Variants in KIAA0513 observed in about 807,000 individuals in gnomAD.
KIAA0513 encodes the protein uncharacterized protein KIAA0513.
In KIAA0513, 39 loss-of-function variants were observed where a neutral mutation model predicts 56.5. The ratio of observed to expected loss-of-function variants is 0.69; its 90% confidence interval spans 0.53 to 0.90. The LOEUF is 0.90. KIAA0513 is among the 40% of genes least tolerant of loss of function. The probability of loss-of-function intolerance (pLI) is 0.00; values close to 1 mark genes in which losing one functional copy is unlikely to be tolerated. For synonymous variants in KIAA0513, 268 were observed against 215.6 expected, an observed-to-expected ratio of 1.24 and a Z score of -2.13; for missense variants, 591 against 535.2, an observed-to-expected ratio of 1.10 and a Z score of -1.03.
At chr16:85,044,540 C>T (rs1256939835) in intron 1 of KIAA0513, among the ~76,000 whole-genome samples, 1 of 151,192 alleles carries the variant, frequency 6.6e-6, no homozygotes, top group African/African-American at 2.4e-5. Context: ...CAGAGACTCG[C>T]CCTGTCGCCA....
intron 1 of KIAA0513, among the ~76,000 whole-genome samples, chr16:85,030,700 C>T (rs1289851097): frequency 2.7e-5 from 4 of 150,596 alleles, no homozygotes; most frequent in Non-Finnish European, 4.4e-5. Context: ...GCCTAGATCG[C>T]GCCACTGCAC....
At chr16:85,044,519 T>A (rs537065898) in intron 1 of KIAA0513, among the ~76,000 whole-genome samples, 24 of 151,926 alleles carry the variant, frequency 1.6e-4, no homozygotes, top group Admixed American at 9.2e-4. Flanking sequence ...TATTTTTTTT[T>A]TTTTTTGAGA....
intron 1 of KIAA0513, among the ~76,000 whole-genome samples, chr16:85,065,931 C>T (rs1014516867): frequency 5.9e-5 from 9 of 152,234 alleles, no homozygotes; most frequent in Admixed American, 1.3e-4. Flanking sequence ...TGAGCATGTT[C>T]ACAATCCGGT....
At position 85,063,605 on chromosome 16, in the gene KIAA0513, C is replaced by T. The variant is rs1433303294; in HGVS notation, c.-172-3295C>T. ...AACCTCCTGTGTGTGGGCAGAGAGACATGGCCCTGCTACTGCTTGAACGGC... is the reference window on the plus strand; with the variant it reads ...AACCTCCTGTGTGTGGGCAGAGAGATATGGCCCTGCTACTGCTTGAACGGC... On this transcript the variant is annotated intron_variant, in intron 1 of 12. Transcript: ENST00000683363. 3.9e-5 allele frequency: 6 copies of T among 152,380 alleles called. No homozygotes were observed. The East Asian group carries it at 9.7e-4, about 25-fold the overall frequency. 9.4% of individuals were successfully genotyped at this position (152,380 alleles called of 1,614,324 possible).
rs1358311354 is a variant in KIAA0513, at chr16:85,093,093, G to A, written c.*4768G>A. 2 of 152,472 alleles carry A rather than the reference G, an allele frequency of 1.3e-5. No homozygotes were observed. Among genetic ancestry groups the A allele is most frequent in the African/African-American group, 4.8e-5 (2 of 41,466 alleles). 9.4% of individuals were successfully genotyped at this position (152,472 alleles called of 1,614,324 possible). A position where few individuals can be genotyped will look rare whatever the true frequency, so the allele number is the denominator to read the frequency against. On this transcript the variant is annotated 3_prime_UTR_variant, in exon 13 of 13. Transcript: ENST00000683363. ...GCTCGCAAGGATGGGTGCCGCCGTGGGAGCCCTGCCTCTGGTGCTGGCAAG... is the reference window on the plus strand; with the variant it reads ...GCTCGCAAGGATGGGTGCCGCCGTGAGAGCCCTGCCTCTGGTGCTGGCAAG...
chr16:85,072,053 T>G (rs1368711541), intron 3 of KIAA0513, among the ~76,000 whole-genome samples, 171 bp downstream of exon 3: 1 of 152,008 alleles, frequency 6.6e-6, no homozygotes, highest in Non-Finnish European at 1.5e-5. Flanking sequence ...AAAGGAGTGT[T>G]TAGAATAGTA....
In KIAA0513 at chr16:85,073,482, G is replaced by A. The variant is rs567680880; in HGVS notation, c.503+484G>A. On this transcript the variant is annotated intron_variant, in intron 4 of 12. Coordinates refer to ENST00000683363, the MANE Select transcript of KIAA0513 (RefSeq NM_001388359.1). ...AAGCCCTTGGTAGGCGGTGAGGGGTGGTGGAAAGGGCATGGCTGCCAGCTG... is the reference window on the plus strand; with the variant it reads ...AAGCCCTTGGTAGGCGGTGAGGGGTAGTGGAAAGGGCATGGCTGCCAGCTG... Among the ~76,000 whole-genome samples, 4 of 152,344 alleles carry A rather than the reference G, an allele frequency of 2.6e-5. No individual in the cohort carries two copies. In the South Asian group the frequency reaches 8.3e-4, roughly 32 times the overall value.
chr16:85,068,563 A>C (rs927894591), intron 2 of KIAA0513, among the ~76,000 whole-genome samples: 21 of 148,542 alleles, frequency 1.4e-4, no homozygotes, highest in Non-Finnish European at 1.5e-4. Flanking sequence ...CGATCTCCTG[A>C]CCTCATGATC....
At chr16:85,035,892 T>C (rs1877537856) in intron 1 of KIAA0513, among the ~76,000 whole-genome samples, 1 of 146,200 alleles carries the variant, frequency 6.8e-6, no homozygotes, top group African/African-American at 2.6e-5. Flanking sequence ...GGCAGGAGAA[T>C]GGCATGAACC....
chr16:85,068,665 C>G (rs1567537588), intron 2 of KIAA0513, among the ~76,000 whole-genome samples: 1 of 152,158 alleles, frequency 6.6e-6, no homozygotes. Flanking sequence ...TGAGGTTTCA[C>G]CATGTTGGCC....
chr16:85,053,819 C>T (rs1229774200), intron 1 of KIAA0513, among the ~76,000 whole-genome samples: 2 of 152,054 alleles, frequency 1.3e-5, no homozygotes, highest in African/African-American at 4.8e-5. Context: ...TGGTGAAACC[C>T]CGTCTCTACT....
intron 1 of KIAA0513, among the ~76,000 whole-genome samples, chr16:85,038,308 C>T (rs895041623): frequency 2.0e-5 from 3 of 152,270 alleles, no homozygotes; most frequent in Non-Finnish European, 4.4e-5. Context: ...TGCCAGCCGC[C>T]TTCCCTAACC....
rs1165840641 is a variant in KIAA0513 at position 85,088,522 on chromosome 16, C to G, written c.*197C>G. The G allele has an allele frequency of 1.7e-6, 1 of 587,010 alleles. No individual in the cohort carries two copies. Among genetic ancestry groups the G allele is most frequent in the African/African-American group, 1.9e-5 (1 of 53,648 alleles). The allele number at this position is 587,010 out of a possible 1,614,324, so 36.4% of individuals were successfully genotyped here. A position where few individuals can be genotyped will look rare whatever the true frequency, so the allele number is the denominator to read the frequency against. On this transcript the variant is annotated 3_prime_UTR_variant, in exon 13 of 13. Transcript: ENST00000683363. ...TCTGCCTGTGTCTGCGACCCCCATC[C>G]ATGTGCCAAAGTGTCCCTTGGGTCA... is the stretch of plus-strand genomic sequence containing the variant.
At chr16:85,039,014 T>C (rs1028710562) in intron 1 of KIAA0513, among the ~76,000 whole-genome samples, 2 of 152,150 alleles carry the variant, frequency 1.3e-5, no homozygotes, top group African/African-American at 2.4e-5. Context: ...TTTTGTTTGC[T>C]TTTTTTGCTC....
chr16:85,045,090 C>T (rs985563114), intron 1 of KIAA0513, among the ~76,000 whole-genome samples: 2 of 151,982 alleles, frequency 1.3e-5, no homozygotes, highest in African/African-American at 4.8e-5. Flanking sequence ...TGCACTGCAG[C>T]CTGGGGGACA....
intron 1 of KIAA0513, among the ~76,000 whole-genome samples, chr16:85,046,871 G>T (rs749572663): frequency 1.3e-5 from 2 of 152,184 alleles, no homozygotes; most frequent in Non-Finnish European, 2.9e-5. Context: ...TTCTTGGAGT[G>T]TTTTTTGTAA....
In KIAA0513 at chr16:85,093,410, T is replaced by C. The variant is rs1175189753; in HGVS notation, c.*5085T>C. 6.6e-6 allele frequency: 1 copy of C among 152,558 alleles called. No individual in the cohort carries two copies. The highest frequency in any genetic ancestry group is 1.5e-5 in the Non-Finnish European group (1 of 68,060). 9.5% of individuals were successfully genotyped at this position (152,558 alleles called of 1,614,324 possible). On this transcript the variant is annotated 3_prime_UTR_variant, in exon 13 of 13. Transcript: ENST00000683363. The stretch of plus-strand genomic sequence containing the variant: ...ATTTGGGGAGAACCCAGCTCCCCAC[T>C]TTATCTGCAGACTCTGGGACCTGAC...
chr16:85,088,861 T>C lies in KIAA0513; in HGVS notation c.*536T>C, dbSNP rs974767855. On this transcript the variant is annotated 3_prime_UTR_variant, in exon 13 of 13. Coordinates refer to ENST00000683363, the MANE Select transcript of KIAA0513 (RefSeq NM_001388359.1). ...TCCTCACTATTCCCCAGTCTCCCGC[T>C]GTGGGGCAGGAACAGGAAGTGACGG... The C allele has an allele frequency of 6.5e-6, 1 of 153,680 alleles. No homozygotes were observed. The highest frequency in any genetic ancestry group is 2.4e-5 in the African/African-American group (1 of 41,472). The allele number at this position is 153,680 out of a possible 1,614,324, so 9.5% of individuals were successfully genotyped here.
chr16:85,065,937 C>G (rs966208432), intron 1 of KIAA0513, among the ~76,000 whole-genome samples: 3 of 152,254 alleles, frequency 2.0e-5, no homozygotes, highest in African/African-American at 7.2e-5. Context: ...TGTTCACAAT[C>G]CGGTCTGTTC....
Sources: gnomAD v4.1 joint callset for allele counts (sites outside exome capture counted in the v4.1 genomes callset) on GRCh38, gnomAD v4.1.1 for gene constraint, MANE v1.5 for transcripts, NCBI Gene and HGNC (gene_info 2026-07-23, HGNC 2026-07-21) for gene names.